Variants in PRKD1 observed in about 807,000 individuals in gnomAD.
PRKD1 encodes serine/threonine-protein kinase D1.
In PRKD1, 63 loss-of-function variants were observed where a neutral mutation model predicts 95.9. The ratio of observed to expected loss-of-function variants is 0.66; its 90% CI spans 0.54 to 0.81. The LOEUF (loss-of-function observed/expected upper bound fraction) is 0.81. Among genes scored for constraint, PRKD1 ranks in the 30% least tolerant of loss-of-function variants. The pLI is 0.00. For synonymous variants in PRKD1, 425 were observed against 423.1 expected (o/e 1.00, Z -0.05); for missense variants, 1,048 against 1,165.3 (o/e 0.90, Z 1.47).
intron 13 of PRKD1, among the ~76,000 whole-genome samples, chr14:29,606,027 T>C (rs1434504755): frequency 1.3e-5 from 2 of 152,174 alleles, no homozygotes; most frequent in Non-Finnish European, 2.9e-5. Flanking sequence ...TTTCCTTTTT[T>C]TTGGAGACAG....
intron 1 of PRKD1, among the ~76,000 whole-genome samples, chr14:29,897,445 C>T (rs1894173639): frequency 6.6e-6 from 1 of 152,128 alleles, no homozygotes; most frequent in South Asian, 2.1e-4. Flanking sequence ...AGACACTGCA[C>T]TGCAATGATC....
chr14:29,773,678 C>G (rs1888610385), intron 1 of PRKD1, among the ~76,000 whole-genome samples: 1 of 152,024 alleles, frequency 6.6e-6, no homozygotes, highest in South Asian at 2.1e-4. Context: ...CAGAAAAGAA[C>G]ACAGCAATTT....
chr14:29,722,314 A>G (rs1212162151), intron 2 of PRKD1, among the ~76,000 whole-genome samples: 1 of 152,192 alleles, frequency 6.6e-6, no homozygotes. Context: ...TAGGTCAGGA[A>G]GGAGTATGTA....
chr14:29,855,973 C>T (rs749654945), intron 1 of PRKD1, among the ~76,000 whole-genome samples: 221 of 152,172 alleles, frequency 1.5e-3, no homozygotes, highest in Admixed American at 1.4e-3. Flanking sequence ...CCCAGTCCTG[C>T]GTACATCTTT....
At chr14:29,807,758 T>C (rs1890295590) in intron 1 of PRKD1, among the ~76,000 whole-genome samples, 1 of 151,612 alleles carries the variant, frequency 6.6e-6, no homozygotes, top group African/African-American at 2.4e-5. Flanking sequence ...TCTTGCTCTA[T>C]CTCCCAGGCT....
chr14:29,636,185 G>T, intron 7 of PRKD1, 105 bp downstream of exon 7: 1 of 1,329,528 alleles, frequency 7.5e-7, no homozygotes, highest in Non-Finnish European at 1.1e-6. Context: ...AAGTAAACGT[G>T]CACTTCACAT....
rs574226154 is a variant in PRKD1, at chr14:29,629,022, T to A, written c.1725+19A>T. 32 of 1,508,882 alleles carry A rather than the reference T, an allele frequency of 2.1e-5. No homozygotes were observed. Among genetic ancestry groups the A allele is most frequent in the Non-Finnish European group, 2.8e-5 (31 of 1,113,998 alleles). 93.5% of individuals were successfully genotyped at this position (1,508,882 alleles called of 1,614,324 possible). A position where few individuals can be genotyped will look rare whatever the true frequency, so the allele number is the denominator to read the frequency against. On this transcript the variant is annotated intron_variant, in intron 11 of 17. Coordinates refer to ENST00000331968, the MANE Select transcript of PRKD1 (RefSeq NM_002742.3). The stretch of plus-strand genomic sequence containing the variant: ...AGTAATCACATTAGCAAGTTTTATA[T>A]TAGTAGGTACATACTTACCACATTT...
intron 16 of PRKD1, among the ~76,000 whole-genome samples, chr14:29,596,142 C>T (rs985862944): frequency 2.6e-5 from 4 of 152,128 alleles, no homozygotes; most frequent in South Asian, 2.1e-4. Flanking sequence ...TAACTTAAAG[C>T]TCTGATAATG....
Position 29,706,885 on chromosome 14 carries a change from A to C in PRKD1, c.403+18651T>G, listed in dbSNP as rs377307031. Among the ~76,000 whole-genome samples the C allele has an allele frequency of 3.0e-4, 45 of 152,272 alleles. 1 individual carries two copies. In the South Asian group the frequency reaches 8.9e-3, roughly 30 times the overall value. Reference sequence around the variant, plus strand: ...TTTCAGGTGAGATTCTTAGGGAAGGATATATGTGCTGAGTCATGAAAGATG... The same window carrying C: ...TTTCAGGTGAGATTCTTAGGGAAGGCTATATGTGCTGAGTCATGAAAGATG... On this transcript the variant is annotated intron_variant, in intron 2 of 17. Coordinates refer to ENST00000331968, the MANE Select transcript of PRKD1 (RefSeq NM_002742.3).
chr14:29,773,327 G>T (rs1888591417), intron 1 of PRKD1, among the ~76,000 whole-genome samples: 1 of 152,018 alleles, frequency 6.6e-6, no homozygotes, highest in Non-Finnish European at 1.5e-5. Context: ...GGGCATGGTG[G>T]CACGTGCCGG....
intron 2 of PRKD1, among the ~76,000 whole-genome samples, chr14:29,697,827 C>A (rs950736338): frequency 6.6e-6 from 1 of 152,064 alleles, no homozygotes; most frequent in Non-Finnish European, 1.5e-5. Context: ...ATAACTCCCA[C>A]GACTTTCTGC....
intron 13 of PRKD1, among the ~76,000 whole-genome samples, chr14:29,612,925 C>T (rs905118764): frequency 2.0e-5 from 3 of 151,992 alleles, no homozygotes; most frequent in African/African-American, 4.8e-5. Context: ...GGTGAAACCC[C>T]GTCTCTACTA....
At chr14:29,897,430 A>G (rs1894173211) in intron 1 of PRKD1, among the ~76,000 whole-genome samples, 2 of 152,164 alleles carry the variant, frequency 1.3e-5, no homozygotes, top group Admixed American at 1.3e-4. Flanking sequence ...AACACAGACA[A>G]TCCTAGACAC....
intron 2 of PRKD1, among the ~76,000 whole-genome samples, chr14:29,710,795 T>C (rs1375037081): frequency 6.6e-6 from 1 of 151,830 alleles, no homozygotes; most frequent in African/African-American, 2.4e-5. Context: ...TTTGCTACTT[T>C]TCTGTAAATC....
chr14:29,793,472 T>A (rs534576438), intron 1 of PRKD1, among the ~76,000 whole-genome samples: 6 of 152,112 alleles, frequency 3.9e-5, no homozygotes, highest in Non-Finnish European at 7.4e-5. Context: ...GCGCTCTAAA[T>A]CCCAAATTCT....
intron 4 of PRKD1, among the ~76,000 whole-genome samples, chr14:29,649,309 G>A (rs968756007): frequency 6.6e-6 from 1 of 152,116 alleles, no homozygotes; most frequent in African/African-American, 2.4e-5. Flanking sequence ...TTGTAAGGAG[G>A]AGGGGTCTTT....
At chr14:29,613,745 A>G (rs1288448434) in intron 13 of PRKD1, among the ~76,000 whole-genome samples, 1 of 152,342 alleles carries the variant, frequency 6.6e-6, no homozygotes, top group Non-Finnish European at 1.5e-5. Context: ...TGACTTGGTA[A>G]CATATCAAAG....
intron 2 of PRKD1, among the ~76,000 whole-genome samples, chr14:29,714,890 T>A (rs1885521698): frequency 6.6e-6 from 1 of 151,898 alleles, no homozygotes; most frequent in Non-Finnish European, 1.5e-5. Flanking sequence ...TTCTCACTCA[T>A]AAGTGGGAGT....
At chr14:29,668,163 C>G (rs1202373605) in intron 2 of PRKD1, among the ~76,000 whole-genome samples, 1 of 152,096 alleles carries the variant, frequency 6.6e-6, no homozygotes, top group Non-Finnish European at 1.5e-5. Context: ...GTTCTGCACC[C>G]TGGGGGAAAT....
Sources: allele counts gnomAD v4.1 joint callset (sites outside exome capture counted in the v4.1 genomes callset), GRCh38; gene constraint gnomAD v4.1.1; transcripts MANE v1.5; gene names NCBI Gene and HGNC (gene_info 2026-07-23, HGNC 2026-07-21).